The following AXDND1 variants were observed in gnomAD, a reference collection of about 807,000 sequenced individuals.
The protein encoded by AXDND1 is axonemal dynein light chain domain-containing protein 1.
A neutral mutation model predicts 137.5 loss-of-function variants in AXDND1; 110 were observed. The ratio of observed to expected loss-of-function variants is 0.80; its 90% confidence interval spans 0.69 to 0.94. The LOEUF (loss-of-function observed/expected upper bound fraction) is 0.94. Ranked by LOEUF, AXDND1 falls within the 40% of genes least tolerant of loss-of-function variation. The pLI is 0.00. For missense variants in AXDND1, 1,191 were observed against 1,169.8 expected (o/e 1.02, Z -0.26); for synonymous variants, 414 against 399.7 (o/e 1.04, Z -0.43).
chr1:179,535,330 C>G (rs1671436422), intron 25 of AXDND1, among the ~76,000 whole-genome samples: 1 of 151,956 alleles, frequency 6.6e-6, no homozygotes, highest in African/African-American at 2.4e-5. Context: ...CCCATCAACT[C>G]ATCATTTACA....
At chr1:179,463,310 T>A (rs865968530) in intron 16 of AXDND1, among the ~76,000 whole-genome samples, 5 of 152,234 alleles carry the variant, frequency 3.3e-5, no homozygotes, top group Middle Eastern at 3.2e-3. Context: ...GAGATTCTGG[T>A]ATGTTGTGTC....
chr1:179,500,571 A>G (rs1156275090), intron 20 of AXDND1, among the ~76,000 whole-genome samples: 6 of 152,192 alleles, frequency 3.9e-5, no homozygotes, highest in Non-Finnish European at 8.8e-5. Context: ...ATGAACTGAA[A>G]GATTCTATAT....
chr1:179,365,779 G>C (rs1000127100), upstream of AXDND1: 13 of 152,480 alleles, frequency 8.5e-5, no homozygotes, highest in Admixed American at 7.2e-4. Context: ...CCGTGACAAC[G>C]GCGGGATTAA....
chr1:179,542,464 G>A (rs561419470), intron 25 of AXDND1, among the ~76,000 whole-genome samples: 12 of 152,136 alleles, frequency 7.9e-5, no homozygotes, highest in South Asian at 4.1e-4. Context: ...CTGAACTGGC[G>A]AAAATGTCAT....
At chr1:179,465,923 G>A (rs377088146) in intron 16 of AXDND1, among the ~76,000 whole-genome samples, 1 of 152,214 alleles carries the variant, frequency 6.6e-6, no homozygotes, top group Non-Finnish European at 1.5e-5. Flanking sequence ...CTCTGAGCCA[G>A]GCGCGGGATA....
intron 12 of AXDND1, among the ~76,000 whole-genome samples, chr1:179,415,329 G>A (rs909966238): frequency 6.6e-5 from 10 of 152,212 alleles, no homozygotes; most frequent in South Asian, 2.1e-4. Context: ...GCAACAGAGC[G>A]AGACTGCATC....
chr1:179,504,162 G>A (rs2125623627), intron 20 of AXDND1, among the ~76,000 whole-genome samples: 2 of 152,302 alleles, frequency 1.3e-5, no homozygotes, highest in Middle Eastern at 6.8e-3. Flanking sequence ...TCTAAGAGTT[G>A]AATGAAATGT....
intron 11 of AXDND1, among the ~76,000 whole-genome samples, chr1:179,406,128 G>A (rs1652917483): frequency 6.6e-6 from 1 of 152,068 alleles, no homozygotes; most frequent in Admixed American, 6.6e-5. Flanking sequence ...GATCATTCAG[G>A]AGCATGTTGT....
At chr1:179,518,542 A>G (rs1669770361) in intron 21 of AXDND1, among the ~76,000 whole-genome samples, 1 of 151,992 alleles carries the variant, frequency 6.6e-6, no homozygotes. Context: ...CCCTCTGTCC[A>G]TCCTCCACCA....
At chr1:179,534,426 A>G (rs1417523426) in intron 24 of AXDND1, 3 of 240,722 alleles carry the variant, frequency 1.2e-5, no homozygotes, top group East Asian at 1.7e-4. Context: ...AAGAGAAGCC[A>G]AAATTAACTC....
In AXDND1 at chr1:179,369,577, G is replaced by T. The variant is rs377405102; in HGVS notation, c.271-398G>T. Among the ~76,000 whole-genome samples the T allele has an allele frequency of 1.3e-4, 20 of 152,016 alleles. No homozygotes were observed. The South Asian group carries it at 1.9e-3, about 14-fold the overall frequency. On this transcript the variant is annotated intron_variant, in intron 3 of 25. Coordinates refer to ENST00000367618, the MANE Select transcript of AXDND1 (RefSeq NM_144696.6). Reference sequence around the variant, plus strand: ...TGAGGCAGGAGAATCACTTGAACCCGGGAGGCAGAGGTTGCAGTGAGCCGA... The same window carrying T: ...TGAGGCAGGAGAATCACTTGAACCCTGGAGGCAGAGGTTGCAGTGAGCCGA...
intron 14 of AXDND1, among the ~76,000 whole-genome samples, chr1:179,432,038 C>G (rs529975214): frequency 9.7e-4 from 147 of 152,326 alleles, no homozygotes; most frequent in Non-Finnish European, 1.8e-3. Context: ...AAAAAATACT[C>G]TTGTGGCCCA....
At chr1:179,504,705 T>C (rs1301715863) in intron 20 of AXDND1, among the ~76,000 whole-genome samples, 1 of 152,028 alleles carries the variant, frequency 6.6e-6, no homozygotes, top group African/African-American at 2.4e-5. Context: ...GCCCATAACC[T>C]GACCATCTCT....
Position 179,403,256 on chromosome 1 carries a change from G to A in AXDND1, c.1110-7890G>A, listed in dbSNP as rs1334646740. ...TTTATAGTACTGTACTGTATTCATT[G>A]ATATTGTACATTTACATCATCTGTT... is the stretch of plus-strand genomic sequence containing the variant. On this transcript the variant is annotated intron_variant, in intron 11 of 25. Transcript: ENST00000367618. Among the ~76,000 whole-genome samples, 5 of 152,164 alleles carry A rather than the reference G, an allele frequency of 3.3e-5. No individual in the cohort carries two copies. The East Asian group carries it at 9.6e-4, about 29-fold the overall frequency.
At chr1:179,553,237 C>G (rs1322381748) in intron 25 of AXDND1, among the ~76,000 whole-genome samples, 1 of 152,160 alleles carries the variant, frequency 6.6e-6, no homozygotes, top group Non-Finnish European at 1.5e-5. Context: ...TACCATGTGA[C>G]CTAGTAATTC....
chr1:179,366,896 C>T lies in AXDND1; in HGVS notation c.97+290C>T, dbSNP rs186915879. Among the ~76,000 whole-genome samples the T allele has an allele frequency of 2.4e-4, 37 of 151,892 alleles. No individual in the cohort carries two copies. The South Asian group carries it at 6.0e-3, about 25-fold the overall frequency. On this transcript the variant is annotated intron_variant, in intron 2 of 25. Coordinates refer to ENST00000367618, the MANE Select transcript of AXDND1 (RefSeq NM_144696.6). Reference sequence around the variant, plus strand: ...TCAATAGTTACGTATTTTTTGGTTCCTGGTCTTTGGCTTTAAGGAACTTTG... The same window carrying T: ...TCAATAGTTACGTATTTTTTGGTTCTTGGTCTTTGGCTTTAAGGAACTTTG...
intron 20 of AXDND1, chr1:179,506,730 A>G: frequency 2.5e-6 from 1 of 407,600 alleles, no homozygotes; most frequent in African/African-American, 2.2e-5. Flanking sequence ...ACTCTGTGTC[A>G]AAAAAACAAA....
At chr1:179,446,707 A>G (rs1195257526) in intron 16 of AXDND1, among the ~76,000 whole-genome samples, 1 of 152,120 alleles carries the variant, frequency 6.6e-6, no homozygotes, top group Admixed American at 6.5e-5. Context: ...TTGTCTTTTT[A>G]TTATTGAGTT....
At chr1:179,417,493 A>C (rs1654883289) in intron 12 of AXDND1, among the ~76,000 whole-genome samples, 1 of 152,150 alleles carries the variant, frequency 6.6e-6, no homozygotes, top group Admixed American at 6.6e-5. Flanking sequence ...TCTTAGAATT[A>C]AGTCTTTAAT....
Sources: allele counts gnomAD v4.1 joint callset (sites outside exome capture counted in the v4.1 genomes callset), GRCh38; gene constraint gnomAD v4.1.1; transcripts MANE v1.5; gene names NCBI Gene and HGNC (gene_info 2026-07-23, HGNC 2026-07-21).